Variants in PCDH15 observed in about 807,000 individuals in gnomAD.
PCDH15 encodes the protein protocadherin-15.
In PCDH15, 129 loss-of-function variants were observed where a neutral mutation model predicts 178.5. The observed-to-expected ratio is 0.72, with a 90% CI of 0.63 to 0.84. The LOEUF (loss-of-function observed/expected upper bound fraction) is 0.84. Among genes scored for constraint, PCDH15 ranks in the 40% least tolerant of loss-of-function variants. The pLI is 0.00. For synonymous variants in PCDH15, 800 were observed against 732.0 expected (o/e 1.09, Z -1.50); for missense variants, 2,230 against 2,099.9 (o/e 1.06, Z -1.21).
rs2082039017 is a variant in PCDH15, at chr10:53,897,604, G to T, written c.3501+5639C>A. ...CATTGACATTAAGTGTATTCACATT[G>T]TTCTGCAAATACCACTGCCATTCAT... On this transcript the variant is annotated intron_variant, in intron 26 of 37. Coordinates refer to ENST00000644397, the MANE Select transcript of PCDH15 (RefSeq NM_001384140.1). Among the ~76,000 whole-genome samples the T allele has an allele frequency of 6.6e-5, 10 of 151,588 alleles. No individual in the cohort carries two copies. In the South Asian group the frequency reaches 2.1e-3, roughly 32 times the overall value.
At chr10:54,368,061 G>T (rs1037481029) in intron 5 of PCDH15, among the ~76,000 whole-genome samples, 4 of 151,880 alleles carry the variant, frequency 2.6e-5, no homozygotes, top group African/African-American at 9.7e-5. Flanking sequence ...TCAAAGAGGT[G>T]AAGCATTTAT....
At chr10:54,754,205 CCTTTAGATTAGTT>C (rs1946755343) in intron 1 of PCDH15, among the ~76,000 whole-genome samples, 3 of 151,944 alleles carry the variant, frequency 2.0e-5, no homozygotes, top group African/African-American at 7.3e-5. Flanking sequence ...TTTCAAATTT[CCTTTAGATTAGTT>C]CCTTTAGATT....
chr10:54,514,710 A>T (rs951147459), intron 3 of PCDH15, among the ~76,000 whole-genome samples: 20 of 151,856 alleles, frequency 1.3e-4, no homozygotes, highest in African/African-American at 4.8e-4. Flanking sequence ...AAATCTATTC[A>T]TTGTGAAACA....
chr10:53,956,274 G>C lies in PCDH15; in HGVS notation c.3122+3458C>G, dbSNP rs139822521. Among the ~76,000 whole-genome samples the C allele has an allele frequency of 1.7e-3, 256 of 152,120 alleles. 2 individuals carry two copies. The highest frequency in any genetic ancestry group is 5.7e-3 in the African/African-American group (235 of 41,526). ...TTCAGAATTCATCCCTAGTTAATAA[G>C]GAGAGGAAATGTAATCCAGCTATAT... On this transcript the variant is annotated intron_variant, in intron 23 of 37. Coordinates refer to ENST00000644397, the MANE Select transcript of PCDH15 (RefSeq NM_001384140.1).
chr10:55,289,225 T>G (rs917786226), intron 1 of PCDH15, among the ~76,000 whole-genome samples: 2 of 152,044 alleles, frequency 1.3e-5, no homozygotes, highest in African/African-American at 4.8e-5. Context: ...GTTCCAATTG[T>G]TTTAACAAAA....
At chr10:55,050,140 T>C (rs1841121360) in intron 2 of PCDH15, among the ~76,000 whole-genome samples, 1 of 152,060 alleles carries the variant, frequency 6.6e-6, no homozygotes, top group Admixed American at 6.6e-5. Context: ...TCAACAATTA[T>C]TCTCCAATGC....
chr10:54,307,102 GTGTATATATATATATA>G (rs1198004271), intron 8 of PCDH15, among the ~76,000 whole-genome samples: 4 of 11,722 alleles, frequency 3.4e-4, no homozygotes, highest in Admixed American at 1.2e-3. Flanking sequence ...ATGTGTGTGT[GTGTATATATATATATA>G]TATATATATA....
chr10:54,104,845 CA>C (rs56195842), intron 15 of PCDH15, among the ~76,000 whole-genome samples: 13,578 of 49,020 alleles, frequency 0.28, 946 homozygotes, highest in East Asian at 0.44. Context: ...TCAACAACAA[CA>C]AAAAAAAAAA....
chr10:53,874,682 G>A (rs2080098464), intron 26 of PCDH15, among the ~76,000 whole-genome samples: 1 of 151,842 alleles, frequency 6.6e-6, no homozygotes, highest in Non-Finnish European at 1.5e-5. Flanking sequence ...CAAGAAAGAT[G>A]AAAAGTTATA....
intron 3 of PCDH15, among the ~76,000 whole-genome samples, chr10:54,846,913 G>A (rs1591738586): frequency 6.6e-6 from 1 of 152,234 alleles, no homozygotes; most frequent in East Asian, 1.9e-4. Flanking sequence ...TACGATATAA[G>A]GTACATATAA....
chr10:53,919,471 G>C (rs2083811747), intron 25 of PCDH15, among the ~76,000 whole-genome samples: 1 of 152,140 alleles, frequency 6.6e-6, no homozygotes, highest in Non-Finnish European at 1.5e-5. Context: ...AGAAGTTTCT[G>C]GACCAAGTGT....
At chr10:55,099,989 T>C (rs1200328651) in intron 2 of PCDH15, among the ~76,000 whole-genome samples, 1 of 152,126 alleles carries the variant, frequency 6.6e-6, no homozygotes, top group Non-Finnish European at 1.5e-5. Flanking sequence ...CTAAGCAGTG[T>C]TACCTATCAT....
intron 2 of PCDH15, among the ~76,000 whole-genome samples, chr10:55,424,082 G>C (rs118039218): frequency 8.5e-5 from 13 of 152,190 alleles, no homozygotes; most frequent in Admixed American, 3.3e-4. Context: ...AGTGAAAGAT[G>C]TTATGTATGA....
intron 2 of PCDH15, among the ~76,000 whole-genome samples, chr10:55,034,970 G>A (rs1840698658): frequency 6.6e-6 from 1 of 152,144 alleles, no homozygotes; most frequent in Non-Finnish European, 1.5e-5. Context: ...ATAATAGCCA[G>A]TTTCTCTGGA....
At position 53,873,106 on chromosome 10, in the gene PCDH15, G is replaced by A. The variant is rs150163146; in HGVS notation, c.3502-6249C>T. On this transcript the variant is annotated intron_variant, in intron 26 of 37. Coordinates refer to ENST00000644397, the MANE Select transcript of PCDH15 (RefSeq NM_001384140.1). ...CTTTTCTTTTACTGAGTCCACACTCGTGACACTAGCCCCCAAACTTCCATA... is the reference window on the plus strand; with the variant it reads ...CTTTTCTTTTACTGAGTCCACACTCATGACACTAGCCCCCAAACTTCCATA... Among the ~76,000 whole-genome samples, 15 of 152,140 alleles carry A rather than the reference G, an allele frequency of 9.9e-5. No homozygotes were observed. In the East Asian group the frequency reaches 2.1e-3, roughly 22 times the overall value.
At chr10:54,569,477 C>A (rs2089497891) in intron 2 of PCDH15, among the ~76,000 whole-genome samples, 1 of 152,038 alleles carries the variant, frequency 6.6e-6, no homozygotes, top group Admixed American at 6.6e-5. Context: ...ATGTTAAAAT[C>A]ATTAGTACAC....
At chr10:53,878,231 TATATATATATA>T (rs2080394706) in intron 26 of PCDH15, among the ~76,000 whole-genome samples, 1 of 130,078 alleles carries the variant, frequency 7.7e-6, no homozygotes, top group Non-Finnish European at 1.7e-5. Flanking sequence ...TATATATATA[TATATATATATA>T]TTCTACATAT....
upstream of PCDH15, among the ~76,000 whole-genome samples, chr10:54,802,962 G>T (rs193232033): frequency 6.6e-6 from 1 of 152,170 alleles, no homozygotes; most frequent in East Asian, 1.9e-4. Context: ...ATTTTCAAAA[G>T]TAAATTACAA....
At position 55,136,081 on chromosome 10, in the gene PCDH15, T is replaced by C. The variant is rs756733358; in HGVS notation, c.-80+30495A>G. Reference sequence around the variant, plus strand: ...TGGGCTTATACATTTGTAACAACTATAGAGCAAATAAAACTGAGTAACATT... The same window carrying C: ...TGGGCTTATACATTTGTAACAACTACAGAGCAAATAAAACTGAGTAACATT... On this transcript the variant is annotated intron_variant, in intron 2 of 5. Transcript: ENST00000458638. 4.6e-5 allele frequency among the ~76,000 whole-genome samples: 7 copies of C among 152,140 alleles called. No homozygotes were observed. In the South Asian group the frequency reaches 6.2e-4, roughly 14 times the overall value.
Sources: allele counts gnomAD v4.1 joint callset (sites outside exome capture counted in the v4.1 genomes callset), GRCh38; gene constraint gnomAD v4.1.1; transcripts MANE v1.5; gene names NCBI Gene and HGNC (gene_info 2026-07-23, HGNC 2026-07-21).